Variants in LNPEP observed in about 807,000 individuals in gnomAD.
The protein encoded by LNPEP is leucyl and cystinyl aminopeptidase, also known as leucyl-cystinyl aminopeptidase.
Under a neutral mutation model 120.6 loss-of-function variants are expected in LNPEP, and 64 were observed. That is an observed-to-expected ratio of 0.53 (90% CI 0.43 to 0.65). The LOEUF (loss-of-function observed/expected upper bound fraction) is 0.65. Among genes scored for constraint, LNPEP ranks in the 30% least tolerant of loss-of-function variants. The probability of loss-of-function intolerance (pLI) is 0.00; values close to 1 mark genes in which losing one functional copy is unlikely to be tolerated. For missense variants in LNPEP, 1,057 were observed against 1,200.0 expected (o/e 0.88, Z 1.76); for synonymous variants, 435 against 425.4 (o/e 1.02, Z -0.28).
In LNPEP at chr5:96,996,495, C is replaced by A. The variant is rs757220058; in HGVS notation, c.1513C>A (p.Leu505Ile). 14 of 1,548,244 alleles carry A rather than the reference C, an allele frequency of 9.0e-6. 1 individual carries two copies. The highest frequency in any genetic ancestry group is 1.2e-5 in the Non-Finnish European group (13 of 1,121,174). Residue 505 changes from leucine (L) to isoleucine (I), a missense_variant, in exon 7 of 18, where the codon CTT becomes ATT. By Grantham distance (5) the Leu-to-Ile change is conservative (BLOSUM62 2). Coordinates refer to ENST00000231368, the MANE Select transcript of LNPEP (RefSeq NM_005575.3). Reference sequence around the variant, plus strand: ...CTCTTTGGAAAAAATATTCAAAGAGCTTTCTAGTGTAAGTACAGGGTTTCT... The same window carrying A: ...CTCTTTGGAAAAAATATTCAAAGAGATTTCTAGTGTAAGTACAGGGTTTCT... ...YFSLEKIFKE[L>I]SSYEDFLDAR...
chr5:97,006,202 A>T lies in LNPEP; in HGVS notation c.1915A>T (p.Met639Leu), dbSNP rs1274327721. 1 of 1,604,268 alleles carries T rather than the reference A, an allele frequency of 6.2e-7. No individual in the cohort carries two copies. Among genetic ancestry groups the T allele is most frequent in the African/African-American group, 1.3e-5 (1 of 74,246 alleles). ...ACAACAAGAGAGATTCTTTTTAAAT[A>T]TGAAGCCTGAAATTCAGCCTTCAGA... ...FIQQERFFLN[M>L]KPEIQPSDTS... The change falls in exon 10 of 18, where the codon ATG (methionine) becomes TTG (leucine). Residue 639 changes from methionine (M) to leucine (L), a missense_variant. By Grantham distance (15) the Met-to-Leu change is conservative. Transcript: ENST00000231368.
chr5:96,998,405 GTCAGTTT>G (rs1790569625), intron 8 of LNPEP, among the ~76,000 whole-genome samples: 1 of 152,048 alleles, frequency 6.6e-6, no homozygotes, highest in Non-Finnish European at 1.5e-5. Flanking sequence ...ATCTTTTAAA[GTCAGTTT>G]ACTCTCCAGA....
rs1791297122 is a variant in LNPEP at position 97,024,656 on chromosome 5, C to T, written c.2697C>T (p.Ser899=). ...EKNKILEALA[S]SEDVRKLYWL... ...ACAAAATACTAGAAGCACTTGCCAG[C>T]TCAGAGGATGTGCGGAAGCTTTACT... Residue 899 remains serine, a synonymous_variant, in exon 15 of 18, where the codon AGC becomes AGT. Coordinates refer to ENST00000231368, the MANE Select transcript of LNPEP (RefSeq NM_005575.3). 1 of 1,613,748 alleles carries T rather than the reference C, an allele frequency of 6.2e-7. No homozygotes were observed. Among genetic ancestry groups the T allele is most frequent in the African/African-American group, 1.3e-5 (1 of 74,916 alleles).
At chr5:97,001,638 C>T (rs1162511766) in intron 8 of LNPEP, among the ~76,000 whole-genome samples, 1 of 152,086 alleles carries the variant, frequency 6.6e-6, no homozygotes, top group Non-Finnish European at 1.5e-5. Context: ...GATGCAAGGA[C>T]ACACTTTCTT....
intron 1 of LNPEP, among the ~76,000 whole-genome samples, chr5:96,943,867 TGTA>T (rs1326174740): frequency 6.6e-6 from 1 of 152,218 alleles, no homozygotes; most frequent in Non-Finnish European, 1.5e-5. Context: ...ATTTCAAAAA[TGTA>T]GTCACTGAAC....
chr5:96,968,736 A>T (rs866619354), intron 1 of LNPEP, among the ~76,000 whole-genome samples: 1 of 152,016 alleles, frequency 6.6e-6, no homozygotes, highest in African/African-American at 2.4e-5. Context: ...AAAAAAGCCT[A>T]TGGGCTGCAG....
intron 9 of LNPEP, 105 bp from the exon 10 acceptor site, chr5:97,005,968 G>T (rs1340947689): frequency 7.4e-6 from 2 of 270,000 alleles, no homozygotes; most frequent in South Asian, 1.6e-4. Flanking sequence ...TTTATAGATG[G>T]TAGGAAAAGA....
chr5:96,997,046 G>A (rs1014845092), intron 7 of LNPEP, among the ~76,000 whole-genome samples: 4 of 151,996 alleles, frequency 2.6e-5, no homozygotes, highest in East Asian at 1.9e-4. Context: ...AAGGAATACC[G>A]TTTCAGTACA....
chr5:96,964,224 C>T (rs1789673908), intron 1 of LNPEP, among the ~76,000 whole-genome samples: 1 of 151,772 alleles, frequency 6.6e-6, no homozygotes, highest in African/African-American at 2.4e-5. Context: ...CCTGATTTCA[C>T]TGTCGTGGAT....
chr5:97,010,829 C>G, intron 11 of LNPEP: 1 of 985,328 alleles, frequency 1.0e-6, no homozygotes, highest in Non-Finnish European at 1.2e-6. Context: ...AGTTACTTCC[C>G]TTGTGTGCAA....
At chr5:96,943,848 A>G (rs959749153) in intron 1 of LNPEP, among the ~76,000 whole-genome samples, 4 of 152,346 alleles carry the variant, frequency 2.6e-5, no homozygotes, top group Middle Eastern at 3.4e-3. Flanking sequence ...ACTCCTGGGC[A>G]TTCCACATAT....
Position 96,986,575 on chromosome 5 carries a change from G to GATGAGTTTT in LNPEP, c.1037_1045dup (p.Phe348_Ser349insTyrGluPhe). 6.2e-7 allele frequency: 1 copy of GATGAGTTTT among 1,613,604 alleles called. No individual in the cohort carries two copies. Among genetic ancestry groups the GATGAGTTTT allele is most frequent in the South Asian group, 1.1e-5 (1 of 91,054 alleles). The stretch of plus-strand genomic sequence containing the variant: ...CGTTCTAGATGATGGACTTGTTCAG[G>GATGAGTTTT]ATGAGTTTTCTGAGAGTGTGAAGAT... On this transcript the variant is annotated inframe_insertion, in exon 4 of 18. Transcript: ENST00000231368.
At position 96,985,580 on chromosome 5, in the gene LNPEP, A is replaced by G. The variant is rs79118631; in HGVS notation, c.999+362A>G. Among the ~76,000 whole-genome samples, 443 of 152,294 alleles carry G rather than the reference A, an allele frequency of 2.9e-3. 2 individuals carry two copies. The highest frequency in any genetic ancestry group is 0.01 in the African/African-American group (427 of 41,568). On this transcript the variant is annotated intron_variant, in intron 3 of 17. Transcript: ENST00000231368. ...AACTGTTATTTGAGAGTGTTGAATA[A>G]TAACTCTTTTTGGTGTTTTATTGGT...
intron 11 of LNPEP, among the ~76,000 whole-genome samples, chr5:97,011,966 T>C (rs1363425954): frequency 2.6e-5 from 4 of 152,122 alleles, no homozygotes; most frequent in Non-Finnish European, 5.9e-5. Flanking sequence ...AATCCTAAGG[T>C]TTCAGGTACT....
At chr5:96,954,772 A>ATATTTTTTTTT (rs1275200137) in intron 1 of LNPEP, among the ~76,000 whole-genome samples, 1 of 27,110 alleles carries the variant, frequency 3.7e-5, no homozygotes, top group East Asian at 1.2e-3. Context: ...ATATATATAT[A>ATATTTTTTTTT]TTTTTTTTTT....
intron 2 of LNPEP, among the ~76,000 whole-genome samples, chr5:96,981,922 A>C (rs768036536): frequency 6.6e-6 from 1 of 152,046 alleles, no homozygotes; most frequent in Non-Finnish European, 1.5e-5. Context: ...ACCGTTTTTG[A>C]TCTACCCTTG....
rs78479094 is a variant in LNPEP at position 97,021,326 on chromosome 5, G to T, written c.2377-974G>T. On this transcript the variant is annotated intron_variant, in intron 13 of 17. Transcript: ENST00000231368. ...AAACTGTTGAATCTAGATGAACAGT[G>T]TATGGGTGTTGTACTATCTTTTTTT... Among the ~76,000 whole-genome samples the T allele has an allele frequency of 8.3e-3, 1,270 of 152,296 alleles. 7 individuals are homozygous for T. The highest frequency in any genetic ancestry group is 0.012 in the Admixed American group (186 of 15,302).
At chr5:97,016,424 T>C (rs1166035149) in intron 13 of LNPEP, among the ~76,000 whole-genome samples, 1 of 152,170 alleles carries the variant, frequency 6.6e-6, no homozygotes, top group African/African-American at 2.4e-5. Flanking sequence ...AAGGTAGATA[T>C]TTCTACCCCC....
chr5:96,976,692 A>G (rs985064002), intron 1 of LNPEP, among the ~76,000 whole-genome samples: 4 of 152,156 alleles, frequency 2.6e-5, no homozygotes, highest in African/African-American at 7.2e-5. Context: ...GCCTGAGAGC[A>G]TAATCTTCCC....
Sources: allele counts gnomAD v4.1 joint callset (sites outside exome capture counted in the v4.1 genomes callset), GRCh38; gene constraint gnomAD v4.1.1; transcripts MANE v1.5; gene names NCBI Gene and HGNC (gene_info 2026-07-23, HGNC 2026-07-21).